PDGFC: variants seen among roughly 807,000 people sequenced by gnomAD.
The protein encoded by PDGFC is platelet-derived growth factor C.
A neutral mutation model predicts 35.5 loss-of-function variants in PDGFC; 12 were observed. The ratio of observed to expected loss-of-function variants is 0.34; its 90% CI spans 0.22 to 0.55. The LOEUF is 0.55. Ranked by LOEUF, PDGFC falls within the 20% of genes least tolerant of loss-of-function variation. The pLI is 0.91. For synonymous variants in PDGFC, 159 were observed against 148.8 expected, an observed-to-expected ratio of 1.07 and a Z score of -0.50; for missense variants, 322 against 412.4, an observed-to-expected ratio of 0.78 and a Z score of 1.90.
intron 3 of PDGFC, among the ~76,000 whole-genome samples, chr4:156,799,251 C>T (rs1324886470): frequency 6.6e-6 from 1 of 152,152 alleles, no homozygotes; most frequent in African/African-American, 2.4e-5. Flanking sequence ...TTCACACTTA[C>T]ACAAAACCTG....
intron 2 of PDGFC, among the ~76,000 whole-genome samples, chr4:156,822,313 T>G (rs565868531): frequency 4.9e-5 from 7 of 141,998 alleles, no homozygotes; most frequent in African/African-American, 1.9e-4. Context: ...GAGCCGAGAT[T>G]GCGCCACTGC....
chr4:156,874,937 C>CT (rs1257917706), intron 1 of PDGFC, among the ~76,000 whole-genome samples: 15 of 152,068 alleles, frequency 9.9e-5, no homozygotes, highest in Non-Finnish European at 1.6e-4. Context: ...AGGCTTGTCT[C>CT]TAACTCCTGA....
At position 156,807,689 on chromosome 4, in the gene PDGFC, CTT is replaced by C. The variant is rs1351608410; in HGVS notation, c.495+3146_495+3147del. On this transcript the variant is annotated intron_variant, in intron 3 of 5. Coordinates refer to ENST00000502773, the MANE Select transcript of PDGFC (RefSeq NM_016205.3). ...CACATGGTAATCAGAACCAAGGAGT[CTT>C]AACTGTTGACCAGAACCCGATATCC... is the stretch of plus-strand genomic sequence containing the variant. Among the ~76,000 whole-genome samples, 3 of 151,942 alleles carry C rather than the reference CTT, an allele frequency of 2.0e-5. No homozygotes were observed. The East Asian group carries it at 5.8e-4, about 29-fold the overall frequency.
chr4:156,864,266 C>A (rs911690612), intron 1 of PDGFC, among the ~76,000 whole-genome samples: 1 of 152,050 alleles, frequency 6.6e-6, no homozygotes, highest in Admixed American at 6.6e-5. Context: ...CTGAGATCCC[C>A]CATATTCTAC....
At chr4:156,833,296 T>C (rs1303296902) in intron 2 of PDGFC, among the ~76,000 whole-genome samples, 2 of 152,264 alleles carry the variant, frequency 1.3e-5, no homozygotes, top group Non-Finnish European at 2.9e-5. Flanking sequence ...GCTTCTACTG[T>C]GTAACTCAGG....
At chr4:156,963,587 C>T (rs1732392632) in intron 1 of PDGFC, among the ~76,000 whole-genome samples, 1 of 152,004 alleles carries the variant, frequency 6.6e-6, no homozygotes, top group Admixed American at 6.6e-5. Context: ...TTTAGTGAAG[C>T]CAGCCTGGCA....
At chr4:156,931,319 G>C (rs1163494015) in intron 1 of PDGFC, among the ~76,000 whole-genome samples, 1 of 152,164 alleles carries the variant, frequency 6.6e-6, no homozygotes, top group East Asian at 1.9e-4. Context: ...ATTGTTAAGA[G>C]TGCCTCCAAG....
At chr4:156,777,921 T>C (rs1019687058) in intron 3 of PDGFC, among the ~76,000 whole-genome samples, 6 of 151,872 alleles carry the variant, frequency 4.0e-5, no homozygotes, top group Admixed American at 2.0e-4. Context: ...CTGGCCAACA[T>C]AGTGAAACCC....
At chr4:156,818,679 T>C (rs1732163231) in intron 2 of PDGFC, among the ~76,000 whole-genome samples, 1 of 152,164 alleles carries the variant, frequency 6.6e-6, no homozygotes, top group Non-Finnish European at 1.5e-5. Flanking sequence ...ATTTTTTGTA[T>C]TTTTAATAGA....
At chr4:156,957,548 G>T in intron 1 of PDGFC, among the ~76,000 whole-genome samples, 1 of 151,606 alleles carries the variant, frequency 6.6e-6, no homozygotes. Flanking sequence ...TTTCCTTCAT[G>T]GCTTCCTCTT....
At chr4:156,933,350 G>A (rs753589912) in intron 1 of PDGFC, among the ~76,000 whole-genome samples, 11 of 152,162 alleles carry the variant, frequency 7.2e-5, no homozygotes, top group Middle Eastern at 3.4e-3. Flanking sequence ...ATCAATACAC[G>A]GCATCTTTTG....
chr4:156,797,646 A>C (rs571582186), intron 3 of PDGFC, among the ~76,000 whole-genome samples: 1 of 152,284 alleles, frequency 6.6e-6, no homozygotes, highest in East Asian at 1.9e-4. Context: ...CACAAAAATA[A>C]AATCTCATAA....
At chr4:156,903,111 G>GTGTGTGTGTGTGTA (rs1730831332) in intron 1 of PDGFC, among the ~76,000 whole-genome samples, 2 of 139,374 alleles carry the variant, frequency 1.4e-5, no homozygotes, top group Admixed American at 7.1e-5. Flanking sequence ...GAGAGTGTGT[G>GTGTGTGTGTGTGTA]TGTGTGTGTG....
At chr4:156,771,606 G>C (rs562711075) in intron 4 of PDGFC, among the ~76,000 whole-genome samples, 1 of 152,092 alleles carries the variant, frequency 6.6e-6, no homozygotes, top group Admixed American at 6.6e-5. Context: ...GAAATACCAG[G>C]GCTGGGCAAG....
At chr4:156,855,664 A>C (rs947010343) in intron 1 of PDGFC, among the ~76,000 whole-genome samples, 1 of 152,172 alleles carries the variant, frequency 6.6e-6, no homozygotes, top group Non-Finnish European at 1.5e-5. Flanking sequence ...TTGATAATAC[A>C]CACATTCACC....
rs142333741 is a variant in PDGFC, at chr4:156,799,386, T to C, written c.495+11451A>G. On this transcript the variant is annotated intron_variant, in intron 3 of 5. Transcript: ENST00000502773. ...CTTTGGTGGCCTACATGTGGTCACA[T>C]TGCAAAAAGCCGAAAAAAAAATTGT... Among the ~76,000 whole-genome samples, 38 of 152,282 alleles carry C rather than the reference T, an allele frequency of 2.5e-4. 1 individual carries two copies. The highest frequency in any genetic ancestry group is 8.9e-4 in the African/African-American group (37 of 41,568).
At chr4:156,920,014 G>C (rs1731236566) in intron 1 of PDGFC, among the ~76,000 whole-genome samples, 1 of 152,020 alleles carries the variant, frequency 6.6e-6, no homozygotes, top group African/African-American at 2.4e-5. Flanking sequence ...AAAAGAGCCT[G>C]GCGCCTCCTC....
intron 1 of PDGFC, among the ~76,000 whole-genome samples, chr4:156,899,810 A>G (rs1730722896): frequency 2.0e-5 from 3 of 152,080 alleles, no homozygotes; most frequent in Admixed American, 6.5e-5. Context: ...GTGAGACTCC[A>G]TCTCAAAAAA....
intron 2 of PDGFC, among the ~76,000 whole-genome samples, chr4:156,846,290 G>C (rs925029716): frequency 6.6e-6 from 1 of 151,778 alleles, no homozygotes; most frequent in Non-Finnish European, 1.5e-5. Context: ...CACTGATAAT[G>C]CAAGAAAGTG....
Sources: gnomAD v4.1 joint callset for allele counts (sites outside exome capture counted in the v4.1 genomes callset) on GRCh38, gnomAD v4.1.1 for gene constraint, MANE v1.5 for transcripts, NCBI Gene and HGNC (gene_info 2026-07-23, HGNC 2026-07-21) for gene names.